Variants in DYTN observed in about 807,000 individuals in gnomAD.
DYTN encodes the protein dystrotelin.
A neutral mutation model predicts 69.6 loss-of-function variants in DYTN; 75 were observed. That is an observed-to-expected ratio of 1.08 (90% CI 0.89 to 1.31). The LOEUF (loss-of-function observed/expected upper bound fraction) is 1.31. DYTN is among the 50% of genes most tolerant of loss of function. The pLI is 0.00. For synonymous variants in DYTN, 252 were observed against 249.1 expected, an observed-to-expected ratio of 1.01 and a Z score of -0.11; for missense variants, 726 against 688.4, an observed-to-expected ratio of 1.05 and a Z score of -0.61.
chr2:206,709,552 G>A (rs377447550), intron 2 of DYTN, among the ~76,000 whole-genome samples: 4 of 151,978 alleles, frequency 2.6e-5, no homozygotes, highest in Admixed American at 1.3e-4. Flanking sequence ...TCTTTGAATC[G>A]TCCCACCTTG....
chr2:206,679,012 T>C (rs931789428), intron 9 of DYTN: 1 of 152,164 alleles, frequency 6.6e-6, no homozygotes, highest in Non-Finnish European at 1.5e-5. Flanking sequence ...CGTTTTGGAC[T>C]CACCTGGTAA....
chr2:206,697,870 G>C (rs937247805), intron 7 of DYTN, among the ~76,000 whole-genome samples: 26 of 152,030 alleles, frequency 1.7e-4, no homozygotes, highest in African/African-American at 4.8e-4. Flanking sequence ...CATTTTTAGG[G>C]GCGACTTAAG....
chr2:206,672,988 ATG>A (rs1699645556), intron 9 of DYTN, among the ~76,000 whole-genome samples: 1 of 152,166 alleles, frequency 6.6e-6, no homozygotes, highest in African/African-American at 2.4e-5. Context: ...ACGTAGGTAA[ATG>A]TGTGTCATGG....
intron 1 of DYTN, 84 bp from the exon 2 acceptor site, chr2:206,710,682 T>A: frequency 9.1e-7 from 1 of 1,100,600 alleles, no homozygotes; most frequent in East Asian, 2.7e-5. Flanking sequence ...CTAGAGATCA[T>A]GTAAGCTTAC....
chr2:206,691,416 A>G (rs747385223), intron 9 of DYTN, among the ~76,000 whole-genome samples: 11 of 151,402 alleles, frequency 7.3e-5, no homozygotes, highest in Admixed American at 2.0e-4. Flanking sequence ...CCATCTTAAA[A>G]AAAAAATATA....
At chr2:206,709,516 T>C (rs1036491233) in intron 2 of DYTN, among the ~76,000 whole-genome samples, 2 of 151,968 alleles carry the variant, frequency 1.3e-5, no homozygotes, top group African/African-American at 4.8e-5. Context: ...TAGAGAAGGA[T>C]GGAGTTGTTC....
intron 11 of DYTN, among the ~76,000 whole-genome samples, chr2:206,655,381 G>T (rs1212113309): frequency 6.6e-6 from 1 of 151,594 alleles, no homozygotes; most frequent in Non-Finnish European, 1.5e-5. Context: ...GAGTAGCTAG[G>T]ATTATAGGCA....
Position 206,718,386 on chromosome 2 carries a change from C to A in DYTN, c.-107G>T, listed in dbSNP as rs1180145239. 2 of 1,194,268 alleles carry A rather than the reference C, an allele frequency of 1.7e-6. No individual in the cohort carries two copies. Among genetic ancestry groups the A allele is most frequent in the South Asian group, 1.6e-5 (1 of 63,294 alleles). 74.0% of individuals were successfully genotyped at this position (1,194,268 alleles called of 1,614,324 possible). A position where few individuals can be genotyped will look rare whatever the true frequency, so the allele number is the denominator to read the frequency against. On this transcript the variant is annotated 5_prime_UTR_variant, in exon 1 of 12. Coordinates refer to ENST00000452335, the MANE Select transcript of DYTN (RefSeq NM_001093730.1). The stretch of plus-strand genomic sequence containing the variant: ...CAGCAGAGGAATGAGGACAGGGGAA[C>A]AAAAAGGCAACTAAACAAATCATTT...
At chr2:206,671,611 G>A (rs1338117229) in intron 9 of DYTN, among the ~76,000 whole-genome samples, 1 of 152,164 alleles carries the variant, frequency 6.6e-6, no homozygotes, top group Non-Finnish European at 1.5e-5. Flanking sequence ...TATATATGGT[G>A]GAGATAGAGT....
In DYTN at chr2:206,699,849, C is replaced by T. The variant is rs372309495; in HGVS notation, c.597G>A (p.Trp199Ter). 8.7e-6 allele frequency: 14 copies of T among 1,613,506 alleles called. No homozygotes were observed. The highest frequency in any genetic ancestry group is 1.1e-5 in the Non-Finnish European group (13 of 1,179,802). The stretch of plus-strand genomic sequence containing the variant: ...GGAGGATGGGAGGCTCAGATTGGAC[C>T]CAAGACAGGAATTTTTCTTCTTTGA... ...PAIKEEKFLS[W>*]VQSEPPILLW... The change falls in exon 7 of 12, where the codon TGG (tryptophan) becomes TGA (stop). Residue 199 changes from tryptophan to a stop codon, truncating the protein, a stop_gained. Coordinates refer to ENST00000452335, the MANE Select transcript of DYTN (RefSeq NM_001093730.1). LOFTEE classifies it high-confidence loss of function.
At position 206,707,287 on chromosome 2, in the gene DYTN, C is replaced by T. The variant is rs998906009; in HGVS notation, c.296+15G>A. On this transcript the variant is annotated intron_variant, in intron 3 of 11. Transcript: ENST00000452335. Reference sequence around the variant, plus strand: ...CTTTGCCTTTGAGGTCACAGCGCGACGTCCACACCCTCACCTGTTGTACAT... The same window carrying T: ...CTTTGCCTTTGAGGTCACAGCGCGATGTCCACACCCTCACCTGTTGTACAT... The T allele has an allele frequency of 3.1e-6, 5 of 1,608,174 alleles. No individual in the cohort carries two copies. Among genetic ancestry groups the T allele is most frequent in the Non-Finnish European group, 4.2e-6 (5 of 1,177,556 alleles).
At chr2:206,652,739 A>G (rs1213892658) in intron 11 of DYTN, among the ~76,000 whole-genome samples, 2 of 152,208 alleles carry the variant, frequency 1.3e-5, no homozygotes, top group Non-Finnish European at 2.9e-5. Flanking sequence ...AGTATGATCT[A>G]ACTTATGTTG....
At chr2:206,667,614 G>T (rs6757638) in intron 9 of DYTN, among the ~76,000 whole-genome samples, 1 of 151,744 alleles carries the variant, frequency 6.6e-6, no homozygotes, top group East Asian at 1.9e-4. Flanking sequence ...TATGGGCTTT[G>T]CTTATTATTT....
intron 7 of DYTN, among the ~76,000 whole-genome samples, chr2:206,699,279 G>T (rs1559315471): frequency 6.6e-6 from 1 of 152,022 alleles, no homozygotes; most frequent in Non-Finnish European, 1.5e-5. Flanking sequence ...ACAAAAAATA[G>T]AAAATTAGCT....
chr2:206,685,876 C>G (rs1699799909), intron 9 of DYTN, among the ~76,000 whole-genome samples: 2 of 151,938 alleles, frequency 1.3e-5, no homozygotes, highest in African/African-American at 2.4e-5. Context: ...CCAGCACCAG[C>G]CAAATCCCCT....
intron 4 of DYTN, 195 bp from the exon 5 acceptor site, chr2:206,705,138 C>G: frequency 1.7e-6 from 1 of 574,788 alleles, no homozygotes; most frequent in Non-Finnish European, 3.1e-6. Context: ...TTCCTGTTCC[C>G]CAGGTTAGAG....
chr2:206,668,609 C>T (rs1699598821), intron 9 of DYTN, among the ~76,000 whole-genome samples: 1 of 152,152 alleles, frequency 6.6e-6, no homozygotes, highest in South Asian at 2.1e-4. Flanking sequence ...GCTTGAATCT[C>T]CCATGTATTA....
chr2:206,663,337 A>G lies in DYTN; in HGVS notation c.1199T>C (p.Val400Ala), dbSNP rs370160378. The G allele has an allele frequency of 4.3e-6, 7 of 1,613,124 alleles. No homozygotes were observed. The highest frequency in any genetic ancestry group is 2.2e-5 in the East Asian group (1 of 44,890). Residue 400 changes from valine (V) to alanine (A), a missense_variant, in exon 11 of 12, where the codon GTT (valine) becomes GCT (alanine). Physicochemically the swap from Val to Ala is moderately conservative, Grantham distance 64. Coordinates refer to ENST00000452335, the MANE Select transcript of DYTN (RefSeq NM_001093730.1). ...AACCTTTTCAGTTGAAGAATGGTCA[A>G]CCTTGTTCCCCACATTTTGAAAGGA... Reference protein sequence around the residue: ...SSSFQNVGNKVDHSSTEKVPK... With the variant: ...SSSFQNVGNKADHSSTEKVPK...
At chr2:206,679,633 A>G (rs1559309887) in intron 9 of DYTN, among the ~76,000 whole-genome samples, 2 of 152,230 alleles carry the variant, frequency 1.3e-5, no homozygotes, top group Non-Finnish European at 2.9e-5. Flanking sequence ...ATCTCAAGTT[A>G]TGGCAGATAT....
Sources: gnomAD v4.1 joint callset for allele counts (sites outside exome capture counted in the v4.1 genomes callset) on GRCh38, gnomAD v4.1.1 for gene constraint, MANE v1.5 for transcripts, NCBI Gene and HGNC (gene_info 2026-07-23, HGNC 2026-07-21) for gene names.